The following TSBP1 variants were observed in gnomAD, a reference collection of about 807,000 sequenced individuals.
TSBP1 encodes the protein testis expressed basic protein 1.
Under a neutral mutation model 68.8 loss-of-function variants are expected in TSBP1, and 56 were observed. The observed-to-expected ratio is 0.81, with a 90% CI of 0.66 to 1.02. The LOEUF (loss-of-function observed/expected upper bound fraction) is 1.02, where lower values mean the gene tolerates loss of function less well. Among genes scored for constraint, TSBP1 ranks in the 50% least tolerant of loss-of-function variants. The pLI is 0.00. For missense variants in TSBP1, 502 were observed against 641.2 expected (o/e 0.78, Z 2.34); for synonymous variants, 171 against 208.7 (o/e 0.82, Z 1.56).
At chr6:32,360,298 A>T (rs954078259) in intron 6 of TSBP1, among the ~76,000 whole-genome samples, 1 of 152,156 alleles carries the variant, frequency 6.6e-6, no homozygotes, top group Non-Finnish European at 1.5e-5. Flanking sequence ...GGCTAATTAT[A>T]CTTAGCCTAA....
In TSBP1 at chr6:32,356,509, C is replaced by G. The variant is rs190223262; in HGVS notation, c.218-840G>C. ...CCGAAGTGGGTGTGTTACCTGAGGT[C>G]AGGAGTTCGAGACCAGCCTGGCCAA... On this transcript the variant is annotated intron_variant, in intron 6 of 22. Coordinates refer to ENST00000612031, the Ensembl canonical transcript of TSBP1. Among the ~76,000 whole-genome samples, 19 of 152,226 alleles carry G rather than the reference C, an allele frequency of 1.2e-4. No homozygotes were observed. In the East Asian group the frequency reaches 3.3e-3, roughly 26 times the overall value.
Position 32,363,526 on chromosome 6 carries a change from G to A in TSBP1, c.217+2641C>T, listed in dbSNP as rs998864437. The stretch of plus-strand genomic sequence containing the variant: ...AATATCTTTCTGTTTTGTGTATCTA[G>A]TATAGGTTTTTGGTTTGTGGTTACC... On this transcript the variant is annotated intron_variant, in intron 6 of 22. Transcript: ENST00000612031. Among the ~76,000 whole-genome samples, 6 of 150,250 alleles carry A rather than the reference G, an allele frequency of 4.0e-5. No individual in the cohort carries two copies. The South Asian group carries it at 1.3e-3, about 32-fold the overall frequency.
intron 20 of TSBP1, among the ~76,000 whole-genome samples, chr6:32,301,024 AC>A (rs957643021): frequency 7.0e-6 from 1 of 141,912 alleles, no homozygotes; most frequent in Non-Finnish European, 1.6e-5. Flanking sequence ...TGACATTGAT[AC>A]GAATTTTTTT....
Position 32,340,858 on chromosome 6 carries a change from C to T in TSBP1, c.350-1220G>A, listed in dbSNP as rs979998741. On this transcript the variant is annotated intron_variant, in intron 9 of 22. Transcript: ENST00000612031. This position sits in a 1 kb window ranked among gnomAD's most constrained non-coding sequence, Gnocchi z 4.8. The stretch of plus-strand genomic sequence containing the variant: ...TCACCCAGACTGGAGTGCAGTGGCA[C>T]AGTCTCGGCTCACTGCAACCTTCAC... Among the ~76,000 whole-genome samples, 2 of 151,974 alleles carry T rather than the reference C, an allele frequency of 1.3e-5. No homozygotes were observed. The highest frequency in any genetic ancestry group is 4.8e-5 in the African/African-American group (2 of 41,356).
At position 32,325,826 on chromosome 6, in the gene TSBP1, G is replaced by T; in HGVS notation, c.515-2212C>A. The T allele has an allele frequency of 1.5e-6, 2 of 1,302,882 alleles. No individual in the cohort carries two copies. The highest frequency in any genetic ancestry group is 1.1e-6 in the Non-Finnish European group (1 of 911,578). The allele number at this position is 1,302,882 out of a possible 1,614,324, so 80.7% of individuals were successfully genotyped here. A position where few individuals can be genotyped will look rare whatever the true frequency, so the allele number is the denominator to read the frequency against. ...CGAAGTGGTTCTGGAAACTTAGGTG[G>T]TGGTCATGGAGGTGGTTTCGGTGGG... On this transcript the variant is annotated intron_variant, in intron 16 of 22. Transcript: ENST00000612031. The surrounding 1 kb of genome is among the most constrained non-coding windows in gnomAD (Gnocchi z 4.4).
intron 9 of TSBP1, among the ~76,000 whole-genome samples, chr6:32,347,500 T>C (rs1771184418): frequency 6.6e-6 from 1 of 152,106 alleles, no homozygotes; most frequent in African/African-American, 2.4e-5. Flanking sequence ...CAGTAGAAAC[T>C]CCTGTTGTCT....
intron 18 of TSBP1, among the ~76,000 whole-genome samples, chr6:32,319,323 C>A (rs1291409081): frequency 5.6e-5 from 7 of 124,740 alleles, no homozygotes; most frequent in Admixed American, 9.5e-5. Flanking sequence ...TCACTCTCTC[C>A]TTGCCACACT....
intron 22 of TSBP1, among the ~76,000 whole-genome samples, chr6:32,296,671 T>C (rs912242236): frequency 6.6e-6 from 1 of 152,238 alleles, no homozygotes; most frequent in Admixed American, 6.5e-5. Flanking sequence ...TTTCATGGAA[T>C]GTACTCCTCA....
At chr6:32,326,029 A>G in intron 16 of TSBP1, 1 of 1,522,140 alleles carries the variant, frequency 6.6e-7, no homozygotes, top group East Asian at 2.2e-5. Context: ...TCAGTCTTCA[A>G]ATTTTGGACC....
rs766205031 is a variant in TSBP1 at position 32,365,496 on chromosome 6, G to A, written c.217+671C>T. On this transcript the variant is annotated intron_variant, in intron 6 of 22. Coordinates refer to ENST00000612031, the Ensembl canonical transcript of TSBP1. The surrounding 1 kb of genome is among the most constrained non-coding windows in gnomAD (Gnocchi z 4.3). The stretch of plus-strand genomic sequence containing the variant: ...GCTTTCTGATGAGGCTTTCTGATGA[G>A]TGGGTTCTGCAGTCTCTTTTCCCTG... 13 of 456,582 alleles carry A rather than the reference G, an allele frequency of 2.8e-5. No individual in the cohort carries two copies. The highest frequency in any genetic ancestry group is 4.8e-5 in the Non-Finnish European group (11 of 226,960). The allele number at this position is 456,582 out of a possible 1,614,324, so 28.3% of individuals were successfully genotyped here. A position where few individuals can be genotyped will look rare whatever the true frequency, so the allele number is the denominator to read the frequency against.
intron 4 of TSBP1, among the ~76,000 whole-genome samples, chr6:32,366,757 C>T (rs7769717): frequency 0.46 from 38,663 of 83,232 alleles, 6,687 homozygotes; most frequent in East Asian, 0.55. Context: ...TGCGAGACTC[C>T]GTCTCAAAAA....
chr6:32,312,631 A>C (rs1341211108), intron 19 of TSBP1, among the ~76,000 whole-genome samples: 2 of 152,212 alleles, frequency 1.3e-5, no homozygotes, highest in Non-Finnish European at 2.9e-5. Context: ...AACTCACAAT[A>C]GCATCCTATA....
chr6:32,330,637 C>G, intron 15 of TSBP1, 28 bp from the exon 17 acceptor site: 1 of 318,792 alleles, frequency 3.1e-6, no homozygotes, highest in Non-Finnish European at 4.7e-6. Flanking sequence ...ACAAATTAAA[C>G]ACACACACAC....
chr6:32,335,497 T>TAA lies in TSBP1; in HGVS notation c.452-41_452-40insTT. 1 of 1,209,280 alleles carries TAA rather than the reference T, an allele frequency of 8.3e-7. No individual in the cohort carries two copies. The highest frequency in any genetic ancestry group is 1.1e-6 in the Non-Finnish European group (1 of 922,418). The allele number at this position is 1,209,280 out of a possible 1,614,324, so 74.9% of individuals were successfully genotyped here. On this transcript the variant is annotated intron_variant, in intron 13 of 22. Coordinates refer to ENST00000612031, the Ensembl canonical transcript of TSBP1. This position sits in a 1 kb window ranked among gnomAD's most constrained non-coding sequence, Gnocchi z 5.5. ...GAAAAGAAATCAGTAGCTATATATA[T>TAA]ATTTTATATATACTTTTTATTTATA...
intron 8 of TSBP1, among the ~76,000 whole-genome samples, chr6:32,353,544 C>G (rs1277149879): frequency 6.6e-6 from 1 of 151,868 alleles, no homozygotes; most frequent in Non-Finnish European, 1.5e-5. Context: ...TAATATGACT[C>G]ATAGATTTTG....
At position 32,361,359 on chromosome 6, in the gene TSBP1, TAGTA is replaced by T. The variant is rs1286771487; in HGVS notation, c.217+4804_217+4807del. On this transcript the variant is annotated intron_variant, in intron 6 of 22. Transcript: ENST00000612031. The surrounding 1 kb of genome is among the most constrained non-coding windows in gnomAD (Gnocchi z 4.3). ...AAACACACGTGTGCATGTGTCTTTATAGTAGCATGATTTATAATCCTTTGGGTAT... is the reference window on the plus strand; with the variant it reads ...AAACACACGTGTGCATGTGTCTTTATGCATGATTTATAATCCTTTGGGTAT... 2.0e-5 allele frequency among the ~76,000 whole-genome samples: 3 copies of T among 148,534 alleles called. No homozygotes were observed. The highest frequency in any genetic ancestry group is 6.7e-5 in the Admixed American group (1 of 15,008).
intron 4 of TSBP1, 152 bp from the exon 5 acceptor site, chr6:32,366,454 A>C: frequency 1.2e-6 from 1 of 819,254 alleles, no homozygotes; most frequent in Non-Finnish European, 2.0e-6. Context: ...TAACTTTACC[A>C]ACAGTTCATG....
In TSBP1 at chr6:32,330,622, A is replaced by G. The variant is rs964774611; in HGVS notation, c.494-13T>C. 8.8e-6 allele frequency: 14 copies of G among 1,584,232 alleles called. No homozygotes were observed. The highest frequency in any genetic ancestry group is 1.2e-5 in the Non-Finnish European group (14 of 1,165,330). On this transcript the variant is annotated splice_polypyrimidine_tract_variant and intron_variant, in intron 15 of 22. Coordinates refer to ENST00000612031, the Ensembl canonical transcript of TSBP1. ...CCAGGATATTGTACTAAAAAATAGA[A>G]ACAAACAAATTAAACACACACACAC...
intron 18 of TSBP1, among the ~76,000 whole-genome samples, chr6:32,318,434 C>A (rs1296471635): frequency 3.3e-5 from 5 of 152,058 alleles, no homozygotes; most frequent in Non-Finnish European, 7.4e-5. Context: ...GCACATGTAT[C>A]CCTGAACTTA....
Sources: allele counts gnomAD v4.1 joint callset (sites outside exome capture counted in the v4.1 genomes callset), GRCh38; gene constraint gnomAD v4.1.1; non-coding constraint Gnocchi (gnomAD v3.1); transcripts MANE v1.5; gene names NCBI Gene and HGNC (gene_info 2026-07-23, HGNC 2026-07-21).